The following TBC1D24 variants were observed in gnomAD, a reference collection of about 807,000 sequenced individuals.
TBC1D24 encodes Infantile myoclonic epilepsy.
In TBC1D24, 47 loss-of-function variants were observed where a neutral mutation model predicts 50.7. The observed-to-expected ratio is 0.93, with a 90% CI of 0.73 to 1.18. The LOEUF (loss-of-function observed/expected upper bound fraction) is 1.18. Among genes scored for constraint, TBC1D24 ranks in the 50% most tolerant of loss-of-function variants. TBC1D24 has a pLI of 0.00. For synonymous variants in TBC1D24, 324 were observed against 335.2 expected (o/e 0.97, Z 0.36); for missense variants, 688 against 766.5 (o/e 0.90, Z 1.21).
At position 2,499,381 on chromosome 16, in the gene TBC1D24, T is replaced by A. The variant is rs2065771222; in HGVS notation, c.1167T>A (p.His389Gln). The A allele has an allele frequency of 1.2e-6, 2 of 1,613,652 alleles. No individual in the cohort carries two copies. Among genetic ancestry groups the A allele is most frequent in the African/African-American group, 1.3e-5 (1 of 75,024 alleles). ...LARFYFQCEG[H>Q]EPTLLLIKTT... is the part of the protein sequence containing the mutation. ...GGTTCTACTTCCAGTGTGAAGGACA[T>A]GAGCCTACCCTCTTGCTCATCAAGA... The change falls in exon 5 of 8, where the codon CAT becomes CAA. Residue 389 changes from histidine (H) to glutamine (Q), a missense_variant. Physicochemically the swap from His to Gln is conservative, Grantham distance 24. Transcript: ENST00000646147. The surrounding 1 kb of genome is among the most constrained non-coding windows in gnomAD (Gnocchi z 4.0).
At position 2,483,326 on chromosome 16, in the gene TBC1D24, C is replaced by G. The variant is rs1407094291; in HGVS notation, c.-116+8156C>G. 6.6e-6 allele frequency: 1 copy of G among 152,272 alleles called. No individual in the cohort carries two copies. The highest frequency in any genetic ancestry group is 2.4e-5 in the African/African-American group (1 of 41,424). The allele number at this position is 152,272 out of a possible 1,614,324, so 9.4% of individuals were successfully genotyped here. On this transcript the variant is annotated intron_variant, in intron 1 of 7. Coordinates refer to ENST00000646147, the MANE Select transcript of TBC1D24 (RefSeq NM_001199107.2). This position sits in a 1 kb window ranked among gnomAD's most constrained non-coding sequence, Gnocchi z 4.0. ...TTCTCCCTCTCCCCTCGGCCGTTCT[C>G]GTGCCTCGGGCTCACTTCCTCGTGC...
intron 1 of TBC1D24, among the ~76,000 whole-genome samples, chr16:2,491,813 A>G (rs559186295): frequency 1.3e-5 from 2 of 151,736 alleles, no homozygotes; most frequent in East Asian, 3.9e-4. Flanking sequence ...TCGGCCTCCC[A>G]AAGTGCTGGG....
intron 2 of TBC1D24, 84 bp downstream of exon 2, chr16:2,497,197 C>T (rs2065751259): frequency 6.4e-6 from 10 of 1,571,224 alleles, no homozygotes; most frequent in African/African-American, 5.4e-5. Flanking sequence ...ATCCTGCCGG[C>T]CTCCAGGCGG....
Position 2,500,000 on chromosome 16 carries a change from C to G in TBC1D24, c.1302+70C>G. 7.1e-7 allele frequency: 1 copy of G among 1,402,470 alleles called. No individual in the cohort carries two copies. Among genetic ancestry groups the G allele is most frequent in the East Asian group, 2.3e-5 (1 of 43,906 alleles). 86.9% of individuals were successfully genotyped at this position (1,402,470 alleles called of 1,614,324 possible). Reference sequence around the variant, plus strand: ...GCTGCATCCCTCCAGGAGCACCCGCCTGCCCTGGGGACACTGTTGGGTGTC... The same window carrying G: ...GCTGCATCCCTCCAGGAGCACCCGCGTGCCCTGGGGACACTGTTGGGTGTC... On this transcript the variant is annotated intron_variant, in intron 6 of 7. Coordinates refer to ENST00000646147, the MANE Select transcript of TBC1D24 (RefSeq NM_001199107.2). The surrounding 1 kb of genome is among the most constrained non-coding windows in gnomAD (Gnocchi z 4.0).
At chr16:2,498,441 A>G (rs1215548235) in intron 4 of TBC1D24, 45 bp downstream of exon 4, 19 of 1,555,390 alleles carry the variant, frequency 1.2e-5, no homozygotes, top group African/African-American at 2.7e-5. Context: ...CCGCCCAGCC[A>G]CGTGTCCTGC....
intron 1 of TBC1D24, among the ~76,000 whole-genome samples, chr16:2,488,483 T>C (rs1294987579): frequency 6.7e-6 from 1 of 150,166 alleles, no homozygotes; most frequent in African/African-American, 2.5e-5. Context: ...CATTACTCAT[T>C]CGCACATAGC....
At position 2,497,018 on chromosome 16, in the gene TBC1D24, C is replaced by G; in HGVS notation, c.870C>G (p.Phe290Leu). The change falls in exon 2 of 8, where the codon TTC becomes TTG. Residue 290 changes from phenylalanine to leucine, a missense_variant. By Grantham distance (22) the Phe-to-Leu change is conservative. Transcript: ENST00000646147. ...CTGAGAAGCTGCTGGAGAAAGCGTT[C>G]GCCATCCGCCTCTTCTCCCGCAAGG... ...VSPEKLLEKA[F>L]AIRLFSRKEI... 1 of 1,613,766 alleles carries G rather than the reference C, an allele frequency of 6.2e-7. No homozygotes were observed. Among genetic ancestry groups the G allele is most frequent in the Non-Finnish European group, 8.5e-7 (1 of 1,180,044 alleles).
At chr16:2,488,681 T>G (rs1226746182) in intron 1 of TBC1D24, among the ~76,000 whole-genome samples, 2 of 150,832 alleles carry the variant, frequency 1.3e-5, no homozygotes, top group Non-Finnish European at 3.0e-5. Context: ...CTAGCTAATT[T>G]TTGGATTTAG....
Position 2,496,601 on chromosome 16 carries a change from C to T in TBC1D24, c.453C>T (p.Cys151=), listed in dbSNP as rs2065742804. The change falls in exon 2 of 8, where the codon TGC becomes TGT. Residue 151 remains cysteine (C), a synonymous_variant. Coordinates refer to ENST00000646147, the MANE Select transcript of TBC1D24 (RefSeq NM_001199107.2). ...LLHYSIDEAE[C]FEKACRILAC... is the part of the protein sequence containing the mutation. ...ACTACAGCATCGACGAGGCCGAGTG[C>T]TTCGAGAAGGCCTGCCGCATCCTGG... is the stretch of plus-strand genomic sequence containing the variant. The T allele has an allele frequency of 6.2e-7, 1 of 1,610,204 alleles. No individual in the cohort carries two copies. The highest frequency in any genetic ancestry group is 1.3e-5 in the African/African-American group (1 of 74,942).
chr16:2,494,628 T>C (rs2079412297), intron 1 of TBC1D24, among the ~76,000 whole-genome samples: 2 of 151,942 alleles, frequency 1.3e-5, no homozygotes, highest in African/African-American at 2.4e-5. Context: ...GGTCTTGAAC[T>C]CCTGGCCTCA....
rs944092197 is a variant in TBC1D24 at position 2,487,444 on chromosome 16, G to A, written c.-115-8590G>A. 3.9e-5 allele frequency among the ~76,000 whole-genome samples: 6 copies of A among 152,248 alleles called. No individual in the cohort carries two copies. The highest frequency in any genetic ancestry group is 2.1e-4 in the South Asian group (1 of 4,836). On this transcript the variant is annotated intron_variant, in intron 1 of 7. Transcript: ENST00000646147. The surrounding 1 kb of genome is among the most constrained non-coding windows in gnomAD (Gnocchi z 4.1). ...CACGGTGTCGGGGTTGGTGTTGGCC[G>A]TGTTAAAATGTCATCAATGAGGCTA...
chr16:2,494,238 C>G (rs958926970), intron 1 of TBC1D24, among the ~76,000 whole-genome samples: 1 of 152,008 alleles, frequency 6.6e-6, no homozygotes, highest in African/African-American at 2.4e-5. Flanking sequence ...ATGGTGAAAC[C>G]CCATCTCTAC....
At position 2,486,235 on chromosome 16, in the gene TBC1D24, G is replaced by A. The variant is rs1191958018; in HGVS notation, c.-115-9799G>A. The stretch of plus-strand genomic sequence containing the variant: ...TCTCCTATCACGTGAAGCCCGCAGG[G>A]GCCACAGCACCTCCTTCCTGTGGTC... On this transcript the variant is annotated intron_variant, in intron 1 of 7. Transcript: ENST00000646147. The surrounding 1 kb of genome is among the most constrained non-coding windows in gnomAD (Gnocchi z 5.8). Among the ~76,000 whole-genome samples the A allele has an allele frequency of 6.6e-6, 1 of 152,198 alleles. No homozygotes were observed. The highest frequency in any genetic ancestry group is 1.5e-5 in the Non-Finnish European group (1 of 68,030).
At chr16:2,481,282 G>C (rs1023352755) in intron 1 of TBC1D24, 1 of 152,258 alleles carries the variant, frequency 6.6e-6, no homozygotes, top group Non-Finnish European at 1.5e-5. Flanking sequence ...GGTGGCTCAC[G>C]CTTGTAATCC....
rs1029867981 is a variant in TBC1D24, at chr16:2,487,118, G to C, written c.-115-8916G>C. Reference sequence around the variant, plus strand: ...CCCTCAGCACTGCCAGGGCCGCCCAGCTCGCCTTCGCCCACTCTTGCCTCC... The same window carrying C: ...CCCTCAGCACTGCCAGGGCCGCCCACCTCGCCTTCGCCCACTCTTGCCTCC... On this transcript the variant is annotated intron_variant, in intron 1 of 7. Coordinates refer to ENST00000646147, the MANE Select transcript of TBC1D24 (RefSeq NM_001199107.2). The surrounding 1 kb of genome is among the most constrained non-coding windows in gnomAD (Gnocchi z 4.1). Among the ~76,000 whole-genome samples, 3 of 152,228 alleles carry C rather than the reference G, an allele frequency of 2.0e-5. No individual in the cohort carries two copies. Among genetic ancestry groups the C allele is most frequent in the Admixed American group, 6.5e-5 (1 of 15,286 alleles).
At chr16:2,498,424 G>A (rs572239420) in intron 4 of TBC1D24, 28 bp downstream of exon 4, 27 of 1,581,464 alleles carry the variant, frequency 1.7e-5, no homozygotes, top group Admixed American at 5.4e-5. Context: ...CAGAGCGGGC[G>A]GCAGAGCCGC....
chr16:2,497,486 G>C (rs565076084), intron 2 of TBC1D24, among the ~76,000 whole-genome samples: 5 of 152,222 alleles, frequency 3.3e-5, no homozygotes, highest in African/African-American at 1.2e-4. Flanking sequence ...TGGCCTCCCC[G>C]CCTGGAGCAC....
rs369244434 is a variant in TBC1D24, at chr16:2,498,206, T to C, written c.984-32T>C. The C allele has an allele frequency of 1.2e-4, 196 of 1,571,630 alleles. 2 individuals carry two copies. The highest frequency in any genetic ancestry group is 2.8e-5 in the Non-Finnish European group (33 of 1,157,918). On this transcript the variant is annotated intron_variant, in intron 3 of 7. Transcript: ENST00000646147. The stretch of plus-strand genomic sequence containing the variant: ...GGCATGGCCTGGCCCCAGACGTGCC[T>C]TCGGGCTCTGACCCCTGCTCGCTCC...
chr16:2,491,416 G>T lies in TBC1D24; in HGVS notation c.-115-4618G>T, dbSNP rs542327294. 2.7e-5 allele frequency among the ~76,000 whole-genome samples: 4 copies of T among 150,630 alleles called. No homozygotes were observed. In the East Asian group the frequency reaches 7.8e-4, roughly 29 times the overall value. On this transcript the variant is annotated intron_variant, in intron 1 of 7. Coordinates refer to ENST00000646147, the MANE Select transcript of TBC1D24 (RefSeq NM_001199107.2). Reference sequence around the variant, plus strand: ...TATTTTTTTTTTCAGACAGGGTCTTGCTCTGTCACCCAGGCTGGATGGAGT... The same window carrying T: ...TATTTTTTTTTTCAGACAGGGTCTTTCTCTGTCACCCAGGCTGGATGGAGT...
Sources: gnomAD v4.1 joint callset for allele counts (sites outside exome capture counted in the v4.1 genomes callset) on GRCh38, gnomAD v4.1.1 for gene constraint, Gnocchi (gnomAD v3.1) non-coding constraint, MANE v1.5 for transcripts, NCBI Gene and HGNC (gene_info 2026-07-23, HGNC 2026-07-21) for gene names.